Variants in TRPC4AP observed in about 807,000 individuals in gnomAD.
TRPC4AP encodes short transient receptor potential channel 4-associated protein.
Under a neutral mutation model 99.0 loss-of-function variants are expected in TRPC4AP, and 45 were observed. That is an observed-to-expected ratio of 0.45 (90% CI 0.36 to 0.58). TRPC4AP has a LOEUF of 0.58. TRPC4AP is among the 20% of genes least tolerant of loss of function. TRPC4AP has a pLI of 0.00. For synonymous variants in TRPC4AP, 408 were observed against 385.8 expected (o/e 1.06, Z -0.67); for missense variants, 879 against 985.3 (o/e 0.89, Z 1.44).
At chr20:35,078,008 G>A (rs762993399) in intron 2 of TRPC4AP, 38 bp downstream of exon 2, 5 of 1,556,802 alleles carry the variant, frequency 3.2e-6, no homozygotes, top group Non-Finnish European at 4.4e-6. Flanking sequence ...GTCACCTAGA[G>A]GCCCTGAATA....
chr20:35,092,679 C>A lies in TRPC4AP; in HGVS notation c.103G>T (p.Gly35Cys), dbSNP rs2085109198. 2 of 1,528,986 alleles carry A rather than the reference C, an allele frequency of 1.3e-6. No homozygotes were observed. Among genetic ancestry groups the A allele is most frequent in the Non-Finnish European group, 1.7e-6 (2 of 1,147,442 alleles). The allele number at this position is 1,528,986 out of a possible 1,614,324, so 94.7% of individuals were successfully genotyped here. Residue 35 changes from glycine to cysteine, a missense_variant, in exon 1 of 19, where the codon GGT (glycine) becomes TGT (cysteine). Gly to Cys is a radical substitution (Grantham distance 159). Transcript: ENST00000252015. ...TGCCGCAGCTGCAGCAGAATGTTACCAGGCCGCGGCCGGCCGCCCCATCCG... is the reference window on the plus strand; with the variant it reads ...TGCCGCAGCTGCAGCAGAATGTTACAAGGCCGCGGCCGGCCGCCCCATCCG... ...WGGWGGRPRP[G>C]NILLQLRQGQ...
intron 8 of TRPC4AP, among the ~76,000 whole-genome samples, chr20:35,022,280 C>T (rs899808207): frequency 1.3e-4 from 20 of 152,186 alleles, no homozygotes; most frequent in East Asian, 5.8e-4. Flanking sequence ...CTCAGCCTCC[C>T]GAGTAGCTGG....
At chr20:35,059,580 C>T (rs544020328) in intron 3 of TRPC4AP, among the ~76,000 whole-genome samples, 1 of 152,030 alleles carries the variant, frequency 6.6e-6, no homozygotes, top group South Asian at 2.1e-4. Flanking sequence ...ATTACTTGAG[C>T]CCAGAAGGTT....
At chr20:35,084,670 A>G (rs1476859916) in intron 1 of TRPC4AP, among the ~76,000 whole-genome samples, 35 of 126,950 alleles carry the variant, frequency 2.8e-4, no homozygotes, top group African/African-American at 1.3e-3. Flanking sequence ...ATATGTGTAT[A>G]TGTATATATG....
At chr20:35,037,295 G>A (rs901225674) in intron 7 of TRPC4AP, among the ~76,000 whole-genome samples, 4 of 149,294 alleles carry the variant, frequency 2.7e-5, no homozygotes, top group South Asian at 2.1e-4. Flanking sequence ...TGCAGTGAGC[G>A]GAGATCGCGC....
chr20:35,062,838 G>C (rs770262899), intron 3 of TRPC4AP, among the ~76,000 whole-genome samples: 1 of 152,040 alleles, frequency 6.6e-6, no homozygotes, highest in Non-Finnish European at 1.5e-5. Flanking sequence ...CTTTTAAATG[G>C]GTGACTTGTA....
At chr20:35,067,755 A>AT (rs1372059491) in intron 3 of TRPC4AP, among the ~76,000 whole-genome samples, 40 of 152,340 alleles carry the variant, frequency 2.6e-4, no homozygotes, top group Middle Eastern at 6.8e-3. Context: ...GCCAGTCACA[A>AT]AAGACCACAT....
rs764165080 is a variant in TRPC4AP at position 35,092,714 on chromosome 20, G to A, written c.68C>T (p.Ala23Val). Residue 23 changes from alanine (A) to valine (V), a missense_variant, in exon 1 of 19, where the codon GCG becomes GTG. Physicochemically the swap from Ala to Val is moderately conservative, Grantham distance 64 (BLOSUM62 0). Around this residue, in one of 3 missense-constraint regions of TRPC4AP, gnomAD observed 603 missense variants for 631.8 expected, o/e 0.95. Transcript: ENST00000252015. ...CCGGCCGCCCCATCCGCCCCAAGCC[G>A]CCACTGTGGCTGCCGACCGTCTCCC... ...GRGRRSAATV[A>V]AWGGWGGRPR... is the part of the protein sequence containing the mutation. 1.2e-5 allele frequency: 18 copies of A among 1,556,698 alleles called. No individual in the cohort carries two copies. The South Asian group carries it at 1.9e-4, about 16-fold the overall frequency.
chr20:35,012,266 G>A (rs2082655665), intron 11 of TRPC4AP, among the ~76,000 whole-genome samples: 2 of 152,226 alleles, frequency 1.3e-5, no homozygotes, highest in South Asian at 2.1e-4. Context: ...CAAATGCAAG[G>A]TTTTTAAAAT....
At chr20:35,084,470 GTATA>G (rs998787462) in intron 1 of TRPC4AP, among the ~76,000 whole-genome samples, 2 of 118,744 alleles carry the variant, frequency 1.7e-5, no homozygotes, top group Non-Finnish European at 3.7e-5. Context: ...GTGTATATAT[GTATA>G]TATGTGTATA....
intron 4 of TRPC4AP, 49 bp downstream of exon 4, chr20:35,057,465 G>GT (rs2083864645): frequency 1.3e-6 from 2 of 1,482,894 alleles, no homozygotes; most frequent in African/African-American, 1.4e-5. Context: ...AACTGCCACC[G>GT]TATCGGCAGG....
intron 12 of TRPC4AP, 92 bp downstream of exon 12, chr20:35,010,095 C>T (rs749746428): frequency 8.9e-5 from 87 of 975,724 alleles, no homozygotes; most frequent in African/African-American, 1.3e-4. Context: ...AGAGAGGACA[C>T]GCGTGCATAC....
At chr20:35,003,371 G>A (rs370371907) in intron 18 of TRPC4AP, 39 bp downstream of exon 18, 186 of 1,592,560 alleles carry the variant, frequency 1.2e-4, no homozygotes, top group Non-Finnish European at 1.0e-4. Context: ...CCCTGGGTCC[G>A]CGGCCCACCC....
chr20:35,081,707 C>T (rs1026253947), intron 1 of TRPC4AP, among the ~76,000 whole-genome samples: 1 of 152,012 alleles, frequency 6.6e-6, no homozygotes, highest in African/African-American at 2.4e-5. Context: ...CATTACCAAG[C>T]CAGGCATGGT....
At chr20:35,028,592 T>C (rs1183399647) in intron 8 of TRPC4AP, among the ~76,000 whole-genome samples, 2 of 152,240 alleles carry the variant, frequency 1.3e-5, no homozygotes, top group Non-Finnish European at 2.9e-5. Flanking sequence ...CAGCCTAGCA[T>C]ATGGTCTGTC....
At chr20:35,060,585 CAAAAAAAAAAAA>C (rs35143678) in intron 3 of TRPC4AP, among the ~76,000 whole-genome samples, 11 of 70,384 alleles carry the variant, frequency 1.6e-4, no homozygotes, top group Non-Finnish European at 2.3e-4. Context: ...ACCTTGTCTC[CAAAAAAAAAAAA>C]AAAAAAAAAA....
intron 3 of TRPC4AP, among the ~76,000 whole-genome samples, chr20:35,063,950 T>C (rs2084074831): frequency 6.6e-6 from 1 of 152,174 alleles, no homozygotes; most frequent in Non-Finnish European, 1.5e-5. Flanking sequence ...AAATAAATGT[T>C]AGAAAGGAAT....
chr20:35,008,815 C>T, intron 12 of TRPC4AP, 68 bp from the exon 13 acceptor site: 1 of 1,441,746 alleles, frequency 6.9e-7, no homozygotes, highest in South Asian at 1.2e-5. Context: ...ATGGGTCATT[C>T]TGCTGGCTTA....
At chr20:35,067,868 G>A (rs1460901236) in intron 3 of TRPC4AP, among the ~76,000 whole-genome samples, 1 of 152,128 alleles carries the variant, frequency 6.6e-6, no homozygotes, top group Non-Finnish European at 1.5e-5. Context: ...AGAGGTAGGG[G>A]AGTGCTAGAT....
Sources: allele counts gnomAD v4.1 joint callset (sites outside exome capture counted in the v4.1 genomes callset), GRCh38; gene constraint gnomAD v4.1.1; regional missense constraint gnomAD v4.1.1; transcripts MANE v1.5; gene names NCBI Gene and HGNC (gene_info 2026-07-23, HGNC 2026-07-21).